Variants in ZSWIM6 observed in about 807,000 individuals in gnomAD.
ZSWIM6 encodes zinc finger SWIM-type containing 6, also known as zinc finger SWIM domain-containing protein 6.
ZSWIM6 carries 9 observed loss-of-function variants against 113.2 expected under a neutral mutation model. That is an observed-to-expected ratio of 0.08 (90% CI 0.05 to 0.14). ZSWIM6 has a LOEUF of 0.14. Among genes scored for constraint, ZSWIM6 ranks in the 10% least tolerant of loss-of-function variants. The pLI, the probability that ZSWIM6 is intolerant of heterozygous loss-of-function variation, is 1.00. For synonymous variants in ZSWIM6, 611 were observed against 606.5 expected (o/e 1.01, Z -0.11); for missense variants, 1,162 against 1,552.2 (o/e 0.75, Z 4.22).
chr5:61,340,001 T>C (rs1744504925), intron 1 of ZSWIM6, among the ~76,000 whole-genome samples: 1 of 152,228 alleles, frequency 6.6e-6, no homozygotes, highest in Non-Finnish European at 1.5e-5. Context: ...TGTTTGTCAA[T>C]CCTACCCAGA....
Position 61,490,865 on chromosome 5 carries a change from G to A in ZSWIM6, c.1113G>A (p.Gln371=), listed in dbSNP as rs970457422. The change falls in exon 3 of 14, where the codon CAG becomes CAA. Residue 371 remains glutamine (Q), a synonymous_variant. Transcript: ENST00000252744. The part of the protein sequence containing the change: ...WHLDEEQVQE[Q]VKLFLSQGGY... ...TAGATGAAGAGCAGGTTCAAGAACAGGTTAAACTGTTCCTTTCCCAGGGCG... is the reference window on the plus strand; with the variant it reads ...TAGATGAAGAGCAGGTTCAAGAACAAGTTAAACTGTTCCTTTCCCAGGGCG... 1.4e-5 allele frequency: 21 copies of A among 1,545,732 alleles called. No homozygotes were observed. Among genetic ancestry groups the A allele is most frequent in the Middle Eastern group, 1.7e-4 (1 of 5,980 alleles).
At chr5:61,467,730 G>A (rs76550539) in intron 1 of ZSWIM6, among the ~76,000 whole-genome samples, 21,499 of 152,144 alleles carry the variant, frequency 0.14, 1,646 homozygotes, top group Non-Finnish European at 0.18. Context: ...TCAACTATTT[G>A]TGAGTTGACA....
intron 1 of ZSWIM6, among the ~76,000 whole-genome samples, chr5:61,338,916 C>CA (rs1744465576): frequency 6.6e-6 from 1 of 152,096 alleles, no homozygotes; most frequent in Non-Finnish European, 1.5e-5. Flanking sequence ...AGAATTATTG[C>CA]AATTAATTGA....
chr5:61,367,553 C>T (rs889180066), intron 1 of ZSWIM6, among the ~76,000 whole-genome samples: 1 of 152,176 alleles, frequency 6.6e-6, no homozygotes. Context: ...CAGGTCCTTA[C>T]GTGCCTTTTG....
At chr5:61,463,187 T>TTA (rs1747353141) in intron 1 of ZSWIM6, among the ~76,000 whole-genome samples, 1 of 152,234 alleles carries the variant, frequency 6.6e-6, no homozygotes, top group Non-Finnish European at 1.5e-5. Flanking sequence ...TGATCTAGCT[T>TTA]TAAGTATTAA....
At chr5:61,494,984 A>G (rs1748279714) in intron 4 of ZSWIM6, among the ~76,000 whole-genome samples, 1 of 152,200 alleles carries the variant, frequency 6.6e-6, no homozygotes, top group African/African-American at 2.4e-5. Context: ...ATGTTCATTA[A>G]AAGAATACTG....
chr5:61,478,441 G>A (rs934968487), intron 2 of ZSWIM6, among the ~76,000 whole-genome samples: 1 of 152,100 alleles, frequency 6.6e-6, no homozygotes, highest in Non-Finnish European at 1.5e-5. Flanking sequence ...GAACACACAT[G>A]TGCAGACATG....
intron 2 of ZSWIM6, among the ~76,000 whole-genome samples, chr5:61,489,056 T>A (rs563792731): frequency 6.6e-6 from 1 of 152,034 alleles, no homozygotes; most frequent in Non-Finnish European, 1.5e-5. Context: ...TCCAGGATTA[T>A]CTTGTATTAC....
At chr5:61,449,074 T>C (rs1747029536) in intron 1 of ZSWIM6, among the ~76,000 whole-genome samples, 1 of 152,186 alleles carries the variant, frequency 6.6e-6, no homozygotes. Flanking sequence ...CATTTACACC[T>C]AAGAATGTTG....
At chr5:61,410,549 C>T (rs1369611545) in intron 1 of ZSWIM6, among the ~76,000 whole-genome samples, 1 of 151,976 alleles carries the variant, frequency 6.6e-6, no homozygotes, top group Non-Finnish European at 1.5e-5. Flanking sequence ...ACCTCGTGAT[C>T]CACCCACCTT....
intron 1 of ZSWIM6, among the ~76,000 whole-genome samples, chr5:61,424,888 C>T (rs547709967): frequency 3.3e-5 from 5 of 151,990 alleles, no homozygotes; most frequent in Admixed American, 6.5e-5. Flanking sequence ...CCACCACGCC[C>T]GTCTAATTTT....
At chr5:61,432,126 A>G (rs1746596558) in intron 1 of ZSWIM6, among the ~76,000 whole-genome samples, 1 of 152,242 alleles carries the variant, frequency 6.6e-6, no homozygotes, top group Non-Finnish European at 1.5e-5. Flanking sequence ...GATAGGAACA[A>G]GCTGCTGTTT....
In ZSWIM6 at chr5:61,418,226, CAAAG is replaced by C. The variant is rs373398054; in HGVS notation, c.677-54452_677-54449del. ...TTTGAAAGGCTCAATAATTTTAACA[CAAAG>C]AAGGATTCAATACAGAACTAGTCTA... is the stretch of plus-strand genomic sequence containing the variant. On this transcript the variant is annotated intron_variant, in intron 1 of 13. Transcript: ENST00000252744. Among the ~76,000 whole-genome samples, 130 of 152,162 alleles carry C rather than the reference CAAAG, an allele frequency of 8.5e-4. 1 individual carries two copies. Among genetic ancestry groups the C allele is most frequent in the Middle Eastern group, 6.8e-3 (2 of 294 alleles).
intron 1 of ZSWIM6, among the ~76,000 whole-genome samples, chr5:61,396,847 T>C (rs556485073): frequency 5.6e-4 from 86 of 152,338 alleles, no homozygotes; most frequent in African/African-American, 1.9e-3. Flanking sequence ...GTTAAATGAA[T>C]TATCCGTCTA....
chr5:61,405,217 A>G (rs1746020290), intron 1 of ZSWIM6, among the ~76,000 whole-genome samples: 1 of 152,186 alleles, frequency 6.6e-6, no homozygotes, highest in Admixed American at 6.5e-5. Context: ...CTATGTTTGA[A>G]GATATGGTGG....
At chr5:61,528,438 T>G (rs888608071) in intron 7 of ZSWIM6, among the ~76,000 whole-genome samples, 4 of 151,972 alleles carry the variant, frequency 2.6e-5, no homozygotes, top group Non-Finnish European at 5.9e-5. Context: ...GCAAACATAT[T>G]TATTTGGTTG....
intron 1 of ZSWIM6, among the ~76,000 whole-genome samples, chr5:61,419,809 A>T (rs1244992532): frequency 6.6e-6 from 1 of 152,144 alleles, no homozygotes; most frequent in African/African-American, 2.4e-5. Context: ...TTCTGGTTGT[A>T]TGAATTACAG....
At chr5:61,415,005 A>C (rs1031770754) in intron 1 of ZSWIM6, among the ~76,000 whole-genome samples, 2 of 152,218 alleles carry the variant, frequency 1.3e-5, no homozygotes, top group South Asian at 2.1e-4. Context: ...AGATGAGGAA[A>C]CTGGATTGCG....
intron 2 of ZSWIM6, among the ~76,000 whole-genome samples, chr5:61,481,836 A>G (rs1216376291): frequency 1.3e-5 from 2 of 152,164 alleles, no homozygotes; most frequent in Non-Finnish European, 2.9e-5. Flanking sequence ...TTCTTTTTCC[A>G]ACAGATAATT....
Sources: gnomAD v4.1 joint callset for allele counts (sites outside exome capture counted in the v4.1 genomes callset) on GRCh38, gnomAD v4.1.1 for gene constraint, MANE v1.5 for transcripts, NCBI Gene and HGNC (gene_info 2026-07-23, HGNC 2026-07-21) for gene names.